Variants in TCEANC2 observed in about 807,000 individuals in gnomAD.
TCEANC2 encodes transcription elongation factor A N-terminal and central domain containing 2, also known as transcription elongation factor A N-terminal and central domain-containing protein 2.
In TCEANC2, 20 loss-of-function variants were observed where a neutral mutation model predicts 22.8. The ratio of observed to expected loss-of-function variants is 0.88; its 90% confidence interval spans 0.62 to 1.28. The LOEUF (loss-of-function observed/expected upper bound fraction) is 1.28. Among genes scored for constraint, TCEANC2 ranks in the 50% most tolerant of loss-of-function variants. TCEANC2 has a pLI of 0.00. For missense variants in TCEANC2, 251 were observed against 249.7 expected, an observed-to-expected ratio of 1.01 and a Z score of -0.03; for synonymous variants, 84 against 95.5, an observed-to-expected ratio of 0.88 and a Z score of 0.70.
chr1:54,075,182 G>A (rs1299206350), intron 3 of TCEANC2, among the ~76,000 whole-genome samples: 1 of 152,186 alleles, frequency 6.6e-6, no homozygotes, highest in Non-Finnish European at 1.5e-5. Context: ...ATAATGCATG[G>A]TTCATGTTTG....
chr1:54,081,715 C>T (rs539707739), intron 3 of TCEANC2, among the ~76,000 whole-genome samples: 3 of 152,218 alleles, frequency 2.0e-5, no homozygotes, highest in East Asian at 1.9e-4. Context: ...GCTGACAAGT[C>T]GCATCCCCCA....
intron 3 of TCEANC2, among the ~76,000 whole-genome samples, chr1:54,071,416 C>T (rs1410734625): frequency 6.6e-6 from 1 of 152,146 alleles, no homozygotes; most frequent in Non-Finnish European, 1.5e-5. Context: ...CAAAATGGCT[C>T]ACAGGATTGC....
At chr1:54,068,203 T>C (rs1490729112) in intron 2 of TCEANC2, among the ~76,000 whole-genome samples, 13 of 152,254 alleles carry the variant, frequency 8.5e-5, no homozygotes, top group Admixed American at 8.5e-4. Flanking sequence ...TGTTTTATTA[T>C]TTTATGTGAA....
At chr1:54,088,472 AAG>A in intron 3 of TCEANC2, 123 bp from the exon 4 acceptor site, 1 of 683,544 alleles carries the variant, frequency 1.5e-6, no homozygotes, top group Non-Finnish European at 2.3e-6. Flanking sequence ...TCTTTTGCAC[AAG>A]AGTCTTTACA....
At chr1:54,106,451 A>G (rs1213384040), downstream of TCEANC2, among the ~76,000 whole-genome samples, 1 of 152,212 alleles carries the variant, frequency 6.6e-6, no homozygotes, top group Non-Finnish European at 1.5e-5. Context: ...CCCAAATATT[A>G]TTACTTTGAC....
Position 54,101,827 on chromosome 1 carries a change from T to A in TCEANC2, c.*5354T>A, listed in dbSNP as rs2100394168. On this transcript the variant is annotated 3_prime_UTR_variant, in exon 5 of 5. Transcript: ENST00000234827. The stretch of plus-strand genomic sequence containing the variant: ...CCTGGCTGATTTTTTATTAGCCAGA[T>A]TGTCACCATGTTGATCAGGCTTGTC... The A allele has an allele frequency of 6.6e-6, 1 of 152,230 alleles. No individual in the cohort carries two copies. Among genetic ancestry groups the A allele is most frequent in the East Asian group, 1.9e-4 (1 of 5,170 alleles). The allele number at this position is 152,230 out of a possible 1,614,324, so 9.4% of individuals were successfully genotyped here. A position where few individuals can be genotyped will look rare whatever the true frequency, so the allele number is the denominator to read the frequency against.
At chr1:54,095,389 C>G (rs148778599) in intron 4 of TCEANC2, among the ~76,000 whole-genome samples, 1 of 152,064 alleles carries the variant, frequency 6.6e-6, no homozygotes. Flanking sequence ...GTGGAGTGCT[C>G]AGGGCCAGGT....
chr1:54,093,074 A>G (rs191055510), intron 4 of TCEANC2, among the ~76,000 whole-genome samples: 78 of 152,324 alleles, frequency 5.1e-4, no homozygotes, highest in Non-Finnish European at 1.0e-3. Flanking sequence ...GGCAGTTAGA[A>G]TTGTTAGTGA....
At chr1:54,080,218 A>G (rs1357618363) in intron 3 of TCEANC2, among the ~76,000 whole-genome samples, 1 of 148,628 alleles carries the variant, frequency 6.7e-6, no homozygotes, top group Admixed American at 6.8e-5. Flanking sequence ...ATCTTGGCGC[A>G]CTGAAACCTC....
rs1236813697 is a variant in TCEANC2 at position 54,101,189 on chromosome 1, T to C, written c.*4716T>C. On this transcript the variant is annotated 3_prime_UTR_variant, in exon 5 of 5. Transcript: ENST00000234827. ...CAGGCCTCAGAACCTTACTCTGAGA[T>C]TGGTAATGTGTTTTGAATGTGTTTA... The C allele has an allele frequency of 6.6e-6, 1 of 152,192 alleles. No individual in the cohort carries two copies. The highest frequency in any genetic ancestry group is 1.5e-5 in the Non-Finnish European group (1 of 68,036). The allele number at this position is 152,192 out of a possible 1,614,324, so 9.4% of individuals were successfully genotyped here.
Position 54,053,672 on chromosome 1 carries a change from A to C in TCEANC2, c.-129A>C, listed in dbSNP as rs1657674187. ...CCGCCCTGGGAGGAAGCGTCTGTTT[A>C]GTTTCAACACAGACGACTGGGCTTG... On this transcript the variant is annotated 5_prime_UTR_variant, in exon 1 of 5. Coordinates refer to ENST00000234827, the MANE Select transcript of TCEANC2 (RefSeq NM_153035.3). The C allele has an allele frequency of 6.3e-6, 1 of 158,458 alleles. No homozygotes were observed. Among genetic ancestry groups the C allele is most frequent in the Admixed American group, 6.4e-5 (1 of 15,726 alleles). The allele number at this position is 158,458 out of a possible 1,614,324, so 9.8% of individuals were successfully genotyped here.
At chr1:54,091,851 C>G (rs1274598793) in intron 4 of TCEANC2, among the ~76,000 whole-genome samples, 3 of 152,130 alleles carry the variant, frequency 2.0e-5, no homozygotes, top group African/African-American at 7.2e-5. Context: ...TACCTCACGG[C>G]CTGTGATCAT....
At chr1:54,088,980 T>G (rs1658392320) in intron 4 of TCEANC2, among the ~76,000 whole-genome samples, 190 bp downstream of exon 4, 1 of 152,196 alleles carries the variant, frequency 6.6e-6, no homozygotes. Context: ...CTTTAAGGAT[T>G]CTGGATTTAT....
chr1:54,109,051 A>G (rs1252412233), downstream of TCEANC2, among the ~76,000 whole-genome samples: 1 of 152,154 alleles, frequency 6.6e-6, no homozygotes, highest in Non-Finnish European at 1.5e-5. Flanking sequence ...GCAGAGATGA[A>G]CCAGACGGGG....
intron 3 of TCEANC2, among the ~76,000 whole-genome samples, chr1:54,075,456 G>T (rs528744256): frequency 6.6e-6 from 1 of 152,314 alleles, no homozygotes; most frequent in East Asian, 1.9e-4. Context: ...AATGTAATAT[G>T]CATGGCTAGA....
At chr1:54,077,539 T>G (rs1479107656) in intron 3 of TCEANC2, among the ~76,000 whole-genome samples, 1 of 152,216 alleles carries the variant, frequency 6.6e-6, no homozygotes, top group Non-Finnish European at 1.5e-5. Context: ...TAAATGACAC[T>G]GAACTGGTTG....
intron 3 of TCEANC2, among the ~76,000 whole-genome samples, chr1:54,080,146 CTTTT>C (rs869271204): frequency 2.2e-5 from 3 of 134,164 alleles, no homozygotes; most frequent in Admixed American, 7.5e-5. Flanking sequence ...AATTTTCTTT[CTTTT>C]TTTTTTTTTT....
intron 3 of TCEANC2, among the ~76,000 whole-genome samples, chr1:54,081,143 A>T (rs1215484329): frequency 6.6e-6 from 1 of 152,206 alleles, no homozygotes; most frequent in African/African-American, 2.4e-5. Flanking sequence ...AAAATGGGGA[A>T]CTATAGCACC....
At chr1:54,106,906 A>C (rs866733532), downstream of TCEANC2, among the ~76,000 whole-genome samples, 2 of 152,314 alleles carry the variant, frequency 1.3e-5, no homozygotes, top group Non-Finnish European at 1.5e-5. Flanking sequence ...TTAGATACAC[A>C]AAAAGTGGCA....
Sources: allele counts gnomAD v4.1 joint callset (sites outside exome capture counted in the v4.1 genomes callset), GRCh38; gene constraint gnomAD v4.1.1; transcripts MANE v1.5; gene names NCBI Gene and HGNC (gene_info 2026-07-23, HGNC 2026-07-21).